PIK3C2A: variants seen among roughly 807,000 people sequenced by gnomAD.
PIK3C2A encodes phosphatidylinositol-4-phosphate 3-kinase catalytic subunit type 2 alpha.
PIK3C2A carries 97 observed loss-of-function variants against 204.5 expected under a neutral mutation model. That is an observed-to-expected ratio of 0.47 (90% CI 0.40 to 0.56). The LOEUF (loss-of-function observed/expected upper bound fraction) is 0.56, where lower values mean the gene tolerates loss of function less well. Ranked by LOEUF, PIK3C2A falls within the 20% of genes least tolerant of loss-of-function variation. The pLI is 0.00. For synonymous variants in PIK3C2A, 653 were observed against 664.4 expected, an observed-to-expected ratio of 0.98 and a Z score of 0.26; for missense variants, 1,735 against 1,969.2, an observed-to-expected ratio of 0.88 and a Z score of 2.25.
chr11:17,092,171 C>G lies in PIK3C2A; in HGVS notation c.4557G>C (p.Thr1519=), dbSNP rs142820512. The stretch of plus-strand genomic sequence containing the variant: ...TTAGTAAGGTTACCTCTGCTACATC[C>G]GTTGAAGCATTCATCAAACTCTGTA... ...SYLQSLMNAS[T]DVAECDLVCT... The change falls in exon 29 of 33, where the codon ACG becomes ACC. Residue 1519 remains threonine (T), a synonymous_variant. Transcript: ENST00000691414. 6.3e-7 allele frequency: 1 copy of G among 1,577,140 alleles called. No individual in the cohort carries two copies. Among genetic ancestry groups the G allele is most frequent in the Non-Finnish European group, 8.7e-7 (1 of 1,146,298 alleles).
At chr11:17,153,149 C>T (rs898951389) in intron 3 of PIK3C2A, among the ~76,000 whole-genome samples, 2 of 151,986 alleles carry the variant, frequency 1.3e-5, no homozygotes, top group Non-Finnish European at 2.9e-5. Context: ...TGAACTTTCT[C>T]GACCGGGTGT....
At chr11:17,127,561 A>T (rs906895530) in intron 13 of PIK3C2A, among the ~76,000 whole-genome samples, 3 of 152,152 alleles carry the variant, frequency 2.0e-5, no homozygotes, top group South Asian at 2.1e-4. Flanking sequence ...CACCCACCTC[A>T]GCCTCCCAAA....
At chr11:17,199,424 G>C (rs992500051) in intron 1 of PIK3C2A, among the ~76,000 whole-genome samples, 1 of 152,170 alleles carries the variant, frequency 6.6e-6, no homozygotes, top group Non-Finnish European at 1.5e-5. Flanking sequence ...ACTCATAGCA[G>C]CATTGTTTAT....
At chr11:17,159,594 C>A (rs533468331) in intron 2 of PIK3C2A, among the ~76,000 whole-genome samples, 39 of 152,272 alleles carry the variant, frequency 2.6e-4, no homozygotes, top group African/African-American at 9.4e-4. Context: ...CAGCATCCAT[C>A]AGGATCACTG....
chr11:17,163,200 G>C (rs548413290), intron 2 of PIK3C2A, among the ~76,000 whole-genome samples: 10 of 152,148 alleles, frequency 6.6e-5, no homozygotes, highest in Non-Finnish European at 1.3e-4. Flanking sequence ...CAGCTACTCG[G>C]GAAGCTGAGC....
chr11:17,102,885 A>G, intron 23 of PIK3C2A, 54 bp from the exon 24 acceptor site: 1 of 1,175,664 alleles, frequency 8.5e-7, no homozygotes, highest in Non-Finnish European at 1.2e-6. Context: ...TAAAAGAGGC[A>G]GAGTTTATAA....
chr11:17,121,129 CTTTTT>C (rs754395316), intron 15 of PIK3C2A, among the ~76,000 whole-genome samples: 7 of 151,246 alleles, frequency 4.6e-5, no homozygotes, highest in Non-Finnish European at 7.4e-5. Flanking sequence ...CTTTTCTTTT[CTTTTT>C]TGAGACAGGG....
At chr11:17,113,441 T>C (rs1029981533) in intron 20 of PIK3C2A, among the ~76,000 whole-genome samples, 1 of 152,066 alleles carries the variant, frequency 6.6e-6, no homozygotes, top group African/African-American at 2.4e-5. Flanking sequence ...TGTAATTAAT[T>C]AGCCATGGAA....
At chr11:17,203,403 G>C (rs546857689) in intron 1 of PIK3C2A, among the ~76,000 whole-genome samples, 2 of 151,734 alleles carry the variant, frequency 1.3e-5, no homozygotes, top group Non-Finnish European at 2.9e-5. Context: ...ATACATAAAT[G>C]AACAAAATAA....
intron 8 of PIK3C2A, among the ~76,000 whole-genome samples, chr11:17,142,941 C>A (rs796577466): frequency 6.7e-6 from 1 of 150,368 alleles, no homozygotes; most frequent in Non-Finnish European, 1.5e-5. Flanking sequence ...GTGGCTCCTG[C>A]GGCAGGGGGC....
intron 3 of PIK3C2A, among the ~76,000 whole-genome samples, chr11:17,151,050 A>G (rs1183504797): frequency 6.6e-6 from 1 of 152,248 alleles, no homozygotes; most frequent in Non-Finnish European, 1.5e-5. Flanking sequence ...GGCCAAAAGG[A>G]TAACAAGTTG....
intron 1 of PIK3C2A, among the ~76,000 whole-genome samples, chr11:17,174,548 C>G: frequency 1.9e-5 from 1 of 51,640 alleles, no homozygotes; most frequent in Non-Finnish European, 3.7e-5. Flanking sequence ...GAGCCGAGAT[C>G]CCGCCACTGC....
intron 12 of PIK3C2A, among the ~76,000 whole-genome samples, 199 bp downstream of exon 12, chr11:17,131,717 G>A (rs1030256026): frequency 7.2e-5 from 11 of 152,098 alleles, no homozygotes; most frequent in South Asian, 2.1e-4. Flanking sequence ...CACTGCGCCC[G>A]GTCGGTATTT....
rs771373153 is a variant in PIK3C2A at position 17,150,571 on chromosome 11, G to A, written c.1254C>T (p.Cys418=). The A allele has an allele frequency of 1.1e-5, 17 of 1,611,078 alleles. No homozygotes were observed. Among genetic ancestry groups the A allele is most frequent in the South Asian group, 4.4e-5 (4 of 90,876 alleles). Residue 418 remains cysteine, a synonymous_variant, in exon 4 of 33, where the codon TGC becomes TGT. Coordinates refer to ENST00000691414, the MANE Select transcript of PIK3C2A (RefSeq NM_002645.4). ...AGACCTTCACACTAGCATTTTCTCC[G>A]CATATGTTTCTTTGTGCTGTGACTG... ...LSPVTAQRNI[C]GENASVKVSI...
chr11:17,150,033 T>A (rs1850376947), intron 4 of PIK3C2A, among the ~76,000 whole-genome samples: 3 of 151,932 alleles, frequency 2.0e-5, no homozygotes. Flanking sequence ...TTTAAAACTA[T>A]AAAAAAAATT....
chr11:17,115,955 G>C lies in PIK3C2A; in HGVS notation c.3217-1490C>G, dbSNP rs373923267. Reference sequence around the variant, plus strand: ...TAGAAAAGCTTAGAAGAAAACACAGGTGTACATCTTTATGGCATTAGATTT... The same window carrying C: ...TAGAAAAGCTTAGAAGAAAACACAGCTGTACATCTTTATGGCATTAGATTT... On this transcript the variant is annotated intron_variant, in intron 19 of 32. Coordinates refer to ENST00000691414, the MANE Select transcript of PIK3C2A (RefSeq NM_002645.4). Among the ~76,000 whole-genome samples, 58 of 152,140 alleles carry C rather than the reference G, an allele frequency of 3.8e-4. 1 individual carries two copies. In the South Asian group the frequency reaches 0.012, roughly 31 times the overall value.
chr11:17,101,753 G>A (rs544278935), intron 24 of PIK3C2A, among the ~76,000 whole-genome samples: 12 of 151,576 alleles, frequency 7.9e-5, no homozygotes, highest in African/African-American at 2.2e-4. Context: ...ACAGGGGCCC[G>A]CCACCACGCC....
chr11:17,129,366 G>A lies in PIK3C2A; in HGVS notation c.2333C>T (p.Ser778Phe). The A allele has an allele frequency of 3.7e-6, 6 of 1,613,132 alleles. No individual in the cohort carries two copies. The highest frequency in any genetic ancestry group is 4.2e-6 in the Non-Finnish European group (5 of 1,179,142). ...TTCTGGTCCCTTTCTCTGCTTATTA[G>A]AATCAGGGGAACTTCCACTGCTCTG... ...LNQSSGSSPD[S>F]NKQRKGPEAL... Residue 778 changes from serine (S) to phenylalanine (F), a missense_variant, in exon 13 of 33, where the codon TCT becomes TTT. Coordinates refer to ENST00000691414, the MANE Select transcript of PIK3C2A (RefSeq NM_002645.4).
intron 1 of PIK3C2A, among the ~76,000 whole-genome samples, chr11:17,200,509 A>G (rs1310116656): frequency 1.3e-5 from 2 of 152,184 alleles, no homozygotes; most frequent in Non-Finnish European, 2.9e-5. Context: ...GGCTATATAC[A>G]CTGTGTGATG....
Sources: allele counts gnomAD v4.1 joint callset (sites outside exome capture counted in the v4.1 genomes callset), GRCh38; gene constraint gnomAD v4.1.1; transcripts MANE v1.5; gene names NCBI Gene and HGNC (gene_info 2026-07-23, HGNC 2026-07-21).